TTN: variants seen among roughly 807,000 people sequenced by gnomAD.
The protein encoded by TTN is connectin.
In TTN, 1,525 loss-of-function variants were observed where a neutral mutation model predicts 3,223.0. The ratio of observed to expected loss-of-function variants is 0.47; its 90% CI spans 0.45 to 0.49. TTN has a LOEUF of 0.49. Ranked by LOEUF, TTN falls within the 20% of genes least tolerant of loss-of-function variation. The pLI is 0.00. For synonymous variants in TTN, 14,094 were observed against 15,161.0 expected (o/e 0.93, Z 5.17); for missense variants, 40,786 against 43,424.0 (o/e 0.94, Z 5.40).
rs772602914 is a variant in TTN at position 178,527,549 on chromosome 2, C to G, written c.107577G>C (p.Met35859Ile). The G allele has an allele frequency of 6.2e-7, 1 of 1,614,016 alleles. No individual in the cohort carries two copies. The highest frequency in any genetic ancestry group is 1.1e-5 in the South Asian group (1 of 91,074). Residue 35859 changes from methionine (M) to isoleucine (I), a missense_variant, in exon 362 of 363, where the codon ATG (methionine) becomes ATC (isoleucine). By Grantham distance (10) the Met-to-Ile change is conservative (BLOSUM62 1). Coordinates refer to ENST00000589042, the MANE Select transcript of TTN (RefSeq NM_001267550.2). The part of the protein sequence containing the change: ...ASMSAQSMSS[M>I]QESFVEMSSS... Reference sequence around the variant, plus strand: ...AACTCATTTCTACAAAGGACTCTTGCATGGAGGACATGCTTTGGGCAGACA... The same window carrying G: ...AACTCATTTCTACAAAGGACTCTTGGATGGAGGACATGCTTTGGGCAGACA...
Position 178,539,408 on chromosome 2 carries a change from T to G in TTN, c.98657A>C (p.Glu32886Ala). 6.2e-7 allele frequency: 1 copy of G among 1,612,846 alleles called. No individual in the cohort carries two copies. The highest frequency in any genetic ancestry group is 1.3e-5 in the African/African-American group (1 of 75,014). ...CAATGGTGTTTTTGGTGTGACTGGT[T>G]CCTCAGATTTCAAGGGTTTGCTTAT... ...FGISKPLKSE[E>A]PVTPKTPLNP... The change falls in exon 352 of 363, where the codon GAA becomes GCA. Residue 32886 changes from glutamate (E) to alanine (A), a missense_variant. Transcript: ENST00000589042.
chr2:178,572,806 G>T lies in TTN; in HGVS notation c.73326C>A (p.Ala24442=). The stretch of plus-strand genomic sequence containing the variant: ...GAACAAAAAGTCTCAGGGTGCAGCA[G>T]GCCCTTATAGTAACAACTTTGCGCA... The part of the protein sequence containing the change: ...ADLRKVVTIR[A]CCTLRLFVPI... The change falls in exon 326 of 363, where the codon GCC becomes GCA. Residue 24442 remains alanine (A), a synonymous_variant. Transcript: ENST00000589042. The T allele has an allele frequency of 6.2e-7, 1 of 1,613,434 alleles. No homozygotes were observed. The highest frequency in any genetic ancestry group is 8.5e-7 in the Non-Finnish European group (1 of 1,179,572).
rs113880095 is a variant in TTN, at chr2:178,781,549, C to T, written c.3381-286G>A. On this transcript the variant is annotated intron_variant, in intron 20 of 362. Transcript: ENST00000589042. The stretch of plus-strand genomic sequence containing the variant: ...TGTTTATGTTAGCAAATGATCAGGT[C>T]ACTTAAACAACAGGTATTTTCTCTT... 9.2e-5 allele frequency among the ~76,000 whole-genome samples: 14 copies of T among 152,242 alleles called. 1 individual carries two copies. Among genetic ancestry groups the T allele is most frequent in the African/African-American group, 3.1e-4 (13 of 41,560 alleles).
At position 178,594,403 on chromosome 2, in the gene TTN, A is replaced by T. The variant is rs1239668517; in HGVS notation, c.58091T>A (p.Ile19364Asn). The change falls in exon 296 of 363, where the codon ATT becomes AAT. Residue 19364 changes from isoleucine to asparagine, a missense_variant. By Grantham distance (149) the Ile-to-Asn change is moderately radical (BLOSUM62 -3). Transcript: ENST00000589042. ...TYEYRVSAVNIVGQGKPSFCT... is the reference protein window; with the variant it reads ...TYEYRVSAVNNVGQGKPSFCT... The stretch of plus-strand genomic sequence containing the variant: ...AAATGATGGTTTGCCTTGTCCAACA[A>T]TGTTGACAGCACTGACACGGTACTC... The T allele has an allele frequency of 4.4e-6, 7 of 1,606,696 alleles. No individual in the cohort carries two copies. The highest frequency in any genetic ancestry group is 6.0e-6 in the Non-Finnish European group (7 of 1,175,898).
rs767740501 is a variant in TTN, at chr2:178,562,339, C to T, written c.83793G>A (p.Glu27931=). ...TAACTGCAGCTACCCTGAAGACATA[C>T]TCTTCTCCTGCAGTTAAGCCAGATA... ...ATISGLTAGE[E]YVFRVAAVNE... is the part of the protein sequence containing the mutation. Residue 27931 remains glutamate (E), a synonymous_variant, in exon 326 of 363, where the codon GAG becomes GAA. Coordinates refer to ENST00000589042, the MANE Select transcript of TTN (RefSeq NM_001267550.2). 2 of 1,611,530 alleles carry T rather than the reference C, an allele frequency of 1.2e-6. No individual in the cohort carries two copies. Among genetic ancestry groups the T allele is most frequent in the Admixed American group, 1.7e-5 (1 of 59,736 alleles).
Position 178,681,074 on chromosome 2 carries a change from T to A in TTN, c.33340+5A>T, listed in dbSNP as rs373367032. On this transcript the variant is annotated splice_donor_5th_base_variant and intron_variant, in intron 138 of 362. Transcript: ENST00000589042. ...GATCACAATCGAGGAAGGAAATCAT[T>A]ATACCTTTAGCAGCGGGTTCAGTCA... The A allele has an allele frequency of 6.3e-7, 1 of 1,595,866 alleles. No individual in the cohort carries two copies. The highest frequency in any genetic ancestry group is 1.4e-5 in the African/African-American group (1 of 73,700).
chr2:178,558,050 T>C lies in TTN; in HGVS notation c.87304A>G (p.Ile29102Val), dbSNP rs1396193875. The C allele has an allele frequency of 6.2e-7, 1 of 1,613,972 alleles. No homozygotes were observed. Among genetic ancestry groups the C allele is most frequent in the Non-Finnish European group, 8.5e-7 (1 of 1,179,856 alleles). Reference sequence around the variant, plus strand: ...GCTGTAACACTTTCTTTGAGATTGATGGTCAGGTTCTCAGCAGTAATTTCG... The same window carrying C: ...GCTGTAACACTTTCTTTGAGATTGACGGTCAGGTTCTCAGCAGTAATTTCG... ...NTEITAENLT[I>V]NLKESVTADA... Residue 29102 changes from isoleucine (I) to valine (V), a missense_variant, in exon 328 of 363, where the codon ATC (isoleucine) becomes GTC (valine). Ile to Val is a conservative substitution (Grantham distance 29, BLOSUM62 3). Coordinates refer to ENST00000589042, the MANE Select transcript of TTN (RefSeq NM_001267550.2).
chr2:178,758,476 C>A (rs2087981284), intron 44 of TTN, among the ~76,000 whole-genome samples: 2 of 152,126 alleles, frequency 1.3e-5, no homozygotes, highest in African/African-American at 4.8e-5. Context: ...AAATGTTAAA[C>A]CACTTTAGGA....
rs747864468 is a variant in TTN at position 178,563,717 on chromosome 2, G to A, written c.82415C>T (p.Pro27472Leu). ...TGCTGAGACTTCAGGTGTTGAGGGA[G>A]GACCTGGTGGCTTATAAGGATTACA... ...TACNPYKPPG[P>L]PSTPEVSAIT... Residue 27472 changes from proline to leucine, a missense_variant, in exon 326 of 363, where the codon CCT (proline) becomes CTT (leucine). Transcript: ENST00000589042. This position sits in a 1 kb window ranked among gnomAD's most constrained non-coding sequence, Gnocchi z 4.5. 5 of 1,613,648 alleles carry A rather than the reference G, an allele frequency of 3.1e-6. No individual in the cohort carries two copies. The African/African-American group carries it at 4.0e-5, about 13-fold the overall frequency.
Position 178,582,592 on chromosome 2 carries a change from T to G in TTN, c.65864A>C (p.Asp21955Ala). The G allele has an allele frequency of 6.2e-7, 1 of 1,601,578 alleles. No individual in the cohort carries two copies. Among genetic ancestry groups the G allele is most frequent in the South Asian group, 1.1e-5 (1 of 88,808 alleles). Residue 21955 changes from aspartate (D) to alanine (A), a missense_variant and splice_region_variant, in exon 314 of 363, where the codon GAT becomes GCT. Asp to Ala is a moderately radical substitution (Grantham distance 126). Transcript: ENST00000589042. ...AACAGATGCTGGAGGACCCGGTTTA[T>G]CTGAAGGAATAAGGAAGAAGAGTGA... ...KSATIKLKVLDKPGPPASVKI... is the reference protein window; with the variant it reads ...KSATIKLKVLAKPGPPASVKI...
In TTN at chr2:178,548,584, T is replaced by C; in HGVS notation, c.93042A>G (p.Leu31014=). The C allele has an allele frequency of 6.2e-7, 1 of 1,613,880 alleles. No individual in the cohort carries two copies. Among genetic ancestry groups the C allele is most frequent in the East Asian group, 2.2e-5 (1 of 44,878 alleles). The change falls in exon 339 of 363, where the codon CTA becomes CTG. Residue 31014 remains leucine, a synonymous_variant. Transcript: ENST00000589042. The surrounding 1 kb of genome is among the most constrained non-coding windows in gnomAD (Gnocchi z 4.3). ...SKSITFTVKV[L]DTPGPPGPIT... is the part of the protein sequence containing the mutation. ...TTGGGCCAGGTGGGCCTGGAGTGTC[T>C]AGCACTTTCACGGTGAATGTGATTG...
chr2:178,585,019 A>G, intron 309 of TTN, 51 bp from the exon 310 acceptor site: 1 of 1,604,660 alleles, frequency 6.2e-7, no homozygotes, highest in Non-Finnish European at 8.5e-7. Context: ...TGATACGTAA[A>G]AATATTTCTG....
intron 79 of TTN, 67 bp downstream of exon 79, chr2:178,720,854 C>G: frequency 4.0e-6 from 6 of 1,493,836 alleles, no homozygotes; most frequent in Non-Finnish European, 5.3e-6. Flanking sequence ...TATTTTGGAA[C>G]TCATAACTTT....
Position 178,741,876 on chromosome 2 carries a change from C to G in TTN, c.11357G>C (p.Ser3786Thr), listed in dbSNP as rs1432046111. Residue 3786 changes from serine to threonine, a missense_variant, in exon 48 of 363, where the codon AGC (serine) becomes ACC (threonine). Coordinates refer to ENST00000589042, the MANE Select transcript of TTN (RefSeq NM_001267550.2). ...FLSAEEEGLH[S>T]AELQLSKINE... ...TATTTTAGATAATTGAAGTTCGGCG[C>G]TATGAAGTCCTTCTTCCTCGGCAGA... The G allele has an allele frequency of 6.3e-7, 1 of 1,575,388 alleles. No individual in the cohort carries two copies. The highest frequency in any genetic ancestry group is 1.2e-5 in the South Asian group (1 of 86,930).
In TTN at chr2:178,632,627, G is replaced by A. The variant is rs1452796827; in HGVS notation, c.43379C>T (p.Thr14460Ile). The change falls in exon 235 of 363, where the codon ACT becomes ATT. Residue 14460 changes from threonine to isoleucine, a missense_variant. Physicochemically the swap from Thr to Ile is moderately conservative, Grantham distance 89. Coordinates refer to ENST00000589042, the MANE Select transcript of TTN (RefSeq NM_001267550.2). Reference sequence around the variant, plus strand: ...TGACTTGATCACCATTGAATGCTTAGTGCCATCCTTTATAAGCTCAAATCT... The same window carrying A: ...TGACTTGATCACCATTGAATGCTTAATGCCATCCTTTATAAGCTCAAATCT... ...DDRFELIKDG[T>I]KHSMVIKSAA... 8 of 1,613,456 alleles carry A rather than the reference G, an allele frequency of 5.0e-6. No individual in the cohort carries two copies. Among genetic ancestry groups the A allele is most frequent in the Non-Finnish European group, 6.8e-6 (8 of 1,179,604 alleles).
intron 43 of TTN, among the ~76,000 whole-genome samples, chr2:178,761,941 A>T (rs1242755193): frequency 6.6e-6 from 1 of 152,188 alleles, no homozygotes; most frequent in Non-Finnish European, 1.5e-5. Context: ...GCTTTTTTAC[A>T]TTTTAAGATT....
rs907757552 is a variant in TTN at position 178,652,889 on chromosome 2, G to A, written c.38918C>T (p.Pro12973Leu). ...PIEVVPEKKM[P>L]LAPPKKPEVP... The stretch of plus-strand genomic sequence containing the variant: ...TTCAGGCTTTTTAGGAGGAGCCAAG[G>A]GCATTTTCTTTTCAGGAACAACCTC... The change falls in exon 200 of 363, where the codon CCC (proline) becomes CTC (leucine). Residue 12973 changes from proline to leucine, a missense_variant. Transcript: ENST00000589042. The A allele has an allele frequency of 2.5e-6, 4 of 1,611,002 alleles. No homozygotes were observed. Among genetic ancestry groups the A allele is most frequent in the Admixed American group, 3.4e-5 (2 of 59,494 alleles).
At position 178,564,533 on chromosome 2, in the gene TTN, C is replaced by T. The variant is rs551750079; in HGVS notation, c.81599G>A (p.Ser27200Asn). ...KWKKPAYDGG[S>N]KITGYIVEKK... ...TTCTACAATATAACCTGTTATTTTG[C>T]TACCACCATCATAGGCAGGTTTCTT... Residue 27200 changes from serine to asparagine, a missense_variant, in exon 326 of 363, where the codon AGC becomes AAC. Coordinates refer to ENST00000589042, the MANE Select transcript of TTN (RefSeq NM_001267550.2). The T allele has an allele frequency of 1.9e-6, 3 of 1,613,086 alleles. No individual in the cohort carries two copies. Among genetic ancestry groups the T allele is most frequent in the African/African-American group, 1.3e-5 (1 of 74,992 alleles).
At position 178,553,300 on chromosome 2, in the gene TTN, G is replaced by C. The variant is rs1163231523; in HGVS notation, c.89600C>G (p.Pro29867Arg). 6.2e-7 allele frequency: 1 copy of C among 1,608,138 alleles called. No homozygotes were observed. Among genetic ancestry groups the C allele is most frequent in the African/African-American group, 1.3e-5 (1 of 74,938 alleles). ...VQVLIPFKGR[P>R]PPTVTWRKDE... ...TTTTCTCCATGTGACAGTAGGTGGA[G>C]GTCTGCCTTTAAAGGGAATCAACAC... The change falls in exon 335 of 363, where the codon CCT (proline) becomes CGT (arginine). Residue 29867 changes from proline (P) to arginine (R), a missense_variant. Transcript: ENST00000589042.
Sources: allele counts gnomAD v4.1 joint callset (sites outside exome capture counted in the v4.1 genomes callset), GRCh38; gene constraint gnomAD v4.1.1; non-coding constraint Gnocchi (gnomAD v3.1); transcripts MANE v1.5; gene names NCBI Gene and HGNC (gene_info 2026-07-23, HGNC 2026-07-21).